The following PPHLN1 variants were observed in gnomAD, a reference collection of about 807,000 sequenced individuals.
The protein encoded by PPHLN1 is periphilin 1, also known as periphilin-1.
PPHLN1 carries 29 observed loss-of-function variants against 51.3 expected under a neutral mutation model. The observed-to-expected ratio is 0.57, with a 90% confidence interval of 0.42 to 0.77. The LOEUF is 0.77. PPHLN1 is among the 30% of genes least tolerant of loss of function. PPHLN1 has a pLI of 0.00. For synonymous variants in PPHLN1, 147 were observed against 147.8 expected, an observed-to-expected ratio of 0.99 and a Z score of 0.04; for missense variants, 436 against 438.4, an observed-to-expected ratio of 0.99 and a Z score of 0.05.
At chr12:42,417,155 C>T (rs1301352223) in intron 9 of PPHLN1, among the ~76,000 whole-genome samples, 2 of 152,050 alleles carry the variant, frequency 1.3e-5, no homozygotes, top group African/African-American at 2.4e-5. Context: ...TAAAACTTAG[C>T]GACCGATTTG....
chr12:42,354,279 C>T (rs1039078546), intron 3 of PPHLN1, among the ~76,000 whole-genome samples: 15 of 152,128 alleles, frequency 9.9e-5, no homozygotes, highest in African/African-American at 3.4e-4. Context: ...AGTGCAGTGG[C>T]AAGAACTTGG....
At chr12:42,425,028 T>C (rs1009734371) in intron 9 of PPHLN1, among the ~76,000 whole-genome samples, 2 of 145,664 alleles carry the variant, frequency 1.4e-5, no homozygotes, top group Admixed American at 6.9e-5. Flanking sequence ...GTTTTTATTT[T>C]TATTTTATTT....
intron 1 of PPHLN1, among the ~76,000 whole-genome samples, chr12:42,329,202 T>C (rs1022542144): frequency 1.3e-5 from 2 of 151,460 alleles, no homozygotes; most frequent in Admixed American, 6.6e-5. Flanking sequence ...CCCGGGTTCA[T>C]GCCATTCTCC....
intron 4 of PPHLN1, among the ~76,000 whole-genome samples, chr12:42,366,582 T>C (rs1318779434): frequency 6.6e-6 from 1 of 151,860 alleles, no homozygotes; most frequent in African/African-American, 2.4e-5. Flanking sequence ...AGGGTTTCCC[T>C]GTCCCTGTGT....
At chr12:42,333,979 A>G (rs1361117890) in intron 1 of PPHLN1, among the ~76,000 whole-genome samples, 9 of 152,062 alleles carry the variant, frequency 5.9e-5, no homozygotes, top group African/African-American at 2.2e-4. Context: ...GTTTGCTTAT[A>G]TGTCTGTTTT....
chr12:42,389,236 G>A (rs2077465072), intron 7 of PPHLN1, among the ~76,000 whole-genome samples: 1 of 152,142 alleles, frequency 6.6e-6, no homozygotes, highest in Non-Finnish European at 1.5e-5. Context: ...AGCTGGCCGT[G>A]GTGGCAGGCG....
chr12:42,428,940 G>A, intron 9 of PPHLN1, among the ~76,000 whole-genome samples: 1 of 151,156 alleles, frequency 6.6e-6, no homozygotes, highest in Admixed American at 6.6e-5. Flanking sequence ...ACATGACTTG[G>A]GAAATGTGCA....
intron 5 of PPHLN1, 72 bp from the exon 6 acceptor site, chr12:42,384,868 C>G: frequency 7.0e-7 from 1 of 1,432,542 alleles, no homozygotes; most frequent in East Asian, 2.3e-5. Context: ...ACTCCTACTT[C>G]TGAGTTCTTC....
At chr12:42,412,267 C>T (rs1281688950) in intron 9 of PPHLN1, among the ~76,000 whole-genome samples, 1 of 147,620 alleles carries the variant, frequency 6.8e-6, no homozygotes, top group Non-Finnish European at 1.5e-5. Context: ...GCTTGTGAGT[C>T]TCCATAGTCC....
In PPHLN1 at chr12:42,412,425, ATT is replaced by A. The variant is rs76141122; in HGVS notation, c.909+13442_909+13443del. On this transcript the variant is annotated intron_variant, in intron 9 of 9. Coordinates refer to ENST00000358314, the MANE Select transcript of PPHLN1 (RefSeq NM_201439.2). ...GAATTGCTCCAAAAGATATTATTTC[ATT>A]TTTTTTTTTTACAGCTGAATAGTAT... 9.6e-3 allele frequency among the ~76,000 whole-genome samples: 1,394 copies of A among 144,976 alleles called. 22 individuals are homozygous for A. Among genetic ancestry groups the A allele is most frequent in the African/African-American group, 0.032 (1,289 of 39,734 alleles).
downstream of PPHLN1, chr12:42,446,440 C>G: frequency 7.5e-7 from 1 of 1,333,376 alleles, no homozygotes; most frequent in Non-Finnish European, 1.0e-6. Context: ...CTAACATACC[C>G]CCAGTGGGGT....
At chr12:42,399,082 C>T in intron 9 of PPHLN1, 88 bp downstream of exon 9, 3 of 1,510,520 alleles carry the variant, frequency 2.0e-6, no homozygotes, top group South Asian at 1.4e-5. Flanking sequence ...TGCTTCATTT[C>T]TTTTTCCACC....
chr12:42,352,625 G>A (rs987823677), intron 3 of PPHLN1, among the ~76,000 whole-genome samples: 2 of 151,658 alleles, frequency 1.3e-5, no homozygotes, highest in African/African-American at 4.8e-5. Context: ...GGCCAGGCTG[G>A]TCTTGAACTC....
chr12:42,436,292 T>G (rs2082476356), intron 9 of PPHLN1, among the ~76,000 whole-genome samples: 1 of 152,222 alleles, frequency 6.6e-6, no homozygotes, highest in African/African-American at 2.4e-5. Context: ...ACTTTAGCTA[T>G]TCATTCAACA....
rs186331361 is a variant in PPHLN1, at chr12:42,408,018, C to T, written c.909+9024C>T. On this transcript the variant is annotated intron_variant, in intron 9 of 9. Coordinates refer to ENST00000358314, the MANE Select transcript of PPHLN1 (RefSeq NM_201439.2). ...TTGGAGAGTTAGCCATCATATCCTC[C>T]CATGATTAGTGTTATTGAAGTTAGC... Among the ~76,000 whole-genome samples the T allele has an allele frequency of 2.8e-4, 43 of 152,156 alleles. 1 individual carries two copies. In the East Asian group the frequency reaches 6.2e-3, roughly 22 times the overall value.
downstream of PPHLN1, chr12:42,445,906 A>T: frequency 6.9e-7 from 1 of 1,444,994 alleles, no homozygotes; most frequent in African/African-American, 1.4e-5. Flanking sequence ...AAATAGTAAT[A>T]TATGGCATGG....
intron 9 of PPHLN1, among the ~76,000 whole-genome samples, chr12:42,406,924 A>G (rs529217363): frequency 6.6e-6 from 1 of 152,268 alleles, no homozygotes; most frequent in East Asian, 1.9e-4. Context: ...TTCCACTTGG[A>G]CATCAATTTG....
chr12:42,447,074 C>G (rs142160957), downstream of PPHLN1: 140 of 156,564 alleles, frequency 8.9e-4, 2 homozygotes, highest in East Asian at 0.023. Context: ...TGGCACTCCC[C>G]CAGCCGTTCT....
At chr12:42,346,792 G>A (rs1170934304) in intron 2 of PPHLN1, among the ~76,000 whole-genome samples, 1 of 152,122 alleles carries the variant, frequency 6.6e-6, no homozygotes, top group Admixed American at 6.5e-5. Flanking sequence ...CATCCTTAAG[G>A]GTGTGAGGGG....
Sources: allele counts gnomAD v4.1 joint callset (sites outside exome capture counted in the v4.1 genomes callset), GRCh38; gene constraint gnomAD v4.1.1; transcripts MANE v1.5; gene names NCBI Gene and HGNC (gene_info 2026-07-23, HGNC 2026-07-21).